JAKMIP3: variants seen among roughly 807,000 people sequenced by gnomAD.
The protein encoded by JAKMIP3 is Janus kinase and microtubule interacting protein 3.
JAKMIP3 carries 58 observed loss-of-function variants against 118.5 expected under a neutral mutation model. The ratio of observed to expected loss-of-function variants is 0.49; its 90% CI spans 0.40 to 0.61. JAKMIP3 has a LOEUF of 0.61. JAKMIP3 is among the 20% of genes least tolerant of loss of function. The probability of loss-of-function intolerance (pLI) is 0.00; values close to 1 mark genes in which losing one functional copy is unlikely to be tolerated. For missense variants in JAKMIP3, 950 were observed against 1,109.0 expected, an observed-to-expected ratio of 0.86 and a Z score of 2.04; for synonymous variants, 486 against 451.2, an observed-to-expected ratio of 1.08 and a Z score of -0.98.
At chr10:132,082,372 TCACCCTCTTCC>T in intron 1 of JAKMIP3, among the ~76,000 whole-genome samples, 1 of 152,236 alleles carries the variant, frequency 6.6e-6, no homozygotes, top group Middle Eastern at 3.4e-3. Context: ...CTTTTATCCC[TCACCCTCTTCC>T]CACCCTTTCC....
intron 1 of JAKMIP3, among the ~76,000 whole-genome samples, chr10:132,051,703 C>T (rs1262885937): frequency 1.3e-5 from 2 of 152,136 alleles, no homozygotes; most frequent in East Asian, 1.9e-4. Context: ...TGGGCTCAAG[C>T]CATCCATCCT....
At chr10:132,086,655 T>G (rs2042433228) in intron 1 of JAKMIP3, among the ~76,000 whole-genome samples, 1 of 152,222 alleles carries the variant, frequency 6.6e-6, no homozygotes, top group South Asian at 2.1e-4. Flanking sequence ...AAAGTTTGTT[T>G]TGTCTGATAT....
At chr10:132,076,799 G>A (rs920708756) in intron 1 of JAKMIP3, among the ~76,000 whole-genome samples, 8 of 151,014 alleles carry the variant, frequency 5.3e-5, no homozygotes, top group African/African-American at 1.5e-4. Flanking sequence ...GCTGGCCTGC[G>A]GTGGCCCCAG....
chr10:132,064,711 G>C (rs953848701), upstream of JAKMIP3, among the ~76,000 whole-genome samples: 2 of 152,216 alleles, frequency 1.3e-5, no homozygotes, highest in African/African-American at 4.8e-5. The surrounding 1 kb of genome is among the most constrained non-coding windows in gnomAD (Gnocchi z 4.4). Context: ...TTGGCCAGAC[G>C]TGTGGCCATG....
Position 132,184,251 on chromosome 10 carries a change from A to AGTC in JAKMIP3, c.*2999_*3001dup, listed in dbSNP as rs2061684842. ...GAGAAGGACTATGGCTGTTCCTTAA[A>AGTC]GTCTCTGCCCTTGCAGAATCTGTAG... On this transcript the variant is annotated 3_prime_UTR_variant, in exon 24 of 24. Transcript: ENST00000684848. The AGTC allele has an allele frequency of 6.6e-6, 1 of 152,214 alleles. No individual in the cohort carries two copies. Among genetic ancestry groups the AGTC allele is most frequent in the Non-Finnish European group, 1.5e-5 (1 of 68,048 alleles). 9.4% of individuals were successfully genotyped at this position (152,214 alleles called of 1,614,324 possible).
upstream of JAKMIP3, among the ~76,000 whole-genome samples, chr10:132,065,367 T>G (rs1327280268): frequency 6.6e-6 from 1 of 152,116 alleles, no homozygotes; most frequent in East Asian, 1.9e-4. This position sits in a 1 kb window ranked among gnomAD's most constrained non-coding sequence, Gnocchi z 5.6. Context: ...TTTTCAGTCC[T>G]CAGTGTTGAG....
In JAKMIP3 at chr10:132,112,295, C is replaced by T. The variant is rs567302989; in HGVS notation, c.136-4782C>T. On this transcript the variant is annotated intron_variant, in intron 2 of 23. Transcript: ENST00000684848. This position sits in a 1 kb window ranked among gnomAD's most constrained non-coding sequence, Gnocchi z 4.3. ...GCCTCAGGTGTGGGAGCGGGGTCTCCGGGTGGTGGGAGATGCTGCCCAGAG... is the reference window on the plus strand; with the variant it reads ...GCCTCAGGTGTGGGAGCGGGGTCTCTGGGTGGTGGGAGATGCTGCCCAGAG... 6.6e-6 allele frequency among the ~76,000 whole-genome samples: 1 copy of T among 151,960 alleles called. No homozygotes were observed. The highest frequency in any genetic ancestry group is 1.9e-4 in the East Asian group (1 of 5,168).
At chr10:132,140,302 A>C (rs1042695010) in intron 9 of JAKMIP3, 149 bp from the exon 10 acceptor site, 10 of 946,466 alleles carry the variant, frequency 1.1e-5, no homozygotes, top group East Asian at 9.0e-5. Flanking sequence ...CACCCAGGCC[A>C]CCTCCTCGGC....
intron 1 of JAKMIP3, among the ~76,000 whole-genome samples, chr10:132,104,445 G>C (rs116509178): frequency 6.6e-6 from 1 of 152,240 alleles, no homozygotes; most frequent in South Asian, 2.1e-4. Flanking sequence ...CATGCTGGGC[G>C]TGGGGATGTC....
chr10:132,110,847 C>G lies in JAKMIP3; in HGVS notation c.135+5904C>G, dbSNP rs796202725. 2.9e-4 allele frequency among the ~76,000 whole-genome samples: 44 copies of G among 152,370 alleles called. 1 individual carries two copies. The highest frequency in any genetic ancestry group is 1.0e-3 in the African/African-American group (43 of 41,592). On this transcript the variant is annotated intron_variant, in intron 2 of 23. Coordinates refer to ENST00000684848, the MANE Select transcript of JAKMIP3 (RefSeq NM_001323087.2). The stretch of plus-strand genomic sequence containing the variant: ...GGAACCGCAGGGGCGTGAACTCGGC[C>G]TTGTCTTGAGGAAGGTGCAGCGTGG...
chr10:132,104,814 C>G lies in JAKMIP3; in HGVS notation c.6C>G (p.Ser2=). Residue 2 remains serine, a synonymous_variant, in exon 2 of 24, where the codon TCC becomes TCG. Coordinates refer to ENST00000684848, the MANE Select transcript of JAKMIP3 (RefSeq NM_001323087.2). The stretch of plus-strand genomic sequence containing the variant: ...CCTGGCCATCCAGCCTCACCATGTC[C>G]AAGAGGGGCATGAGCAGCCGGGCCA... The part of the protein sequence containing the change: M[S]KRGMSSRAKG... 1 of 1,551,604 alleles carries G rather than the reference C, an allele frequency of 6.4e-7. No individual in the cohort carries two copies. Among genetic ancestry groups the G allele is most frequent in the Non-Finnish European group, 8.7e-7 (1 of 1,147,398 alleles).
At chr10:132,080,064 C>A (rs572811976) in intron 1 of JAKMIP3, among the ~76,000 whole-genome samples, 2 of 152,324 alleles carry the variant, frequency 1.3e-5, no homozygotes, top group East Asian at 3.9e-4. Flanking sequence ...CCTGTAATCC[C>A]AGCTACTCAG....
At chr10:132,177,856 C>A (rs562661255) in intron 23 of JAKMIP3, among the ~76,000 whole-genome samples, 1 of 127,570 alleles carries the variant, frequency 7.8e-6, no homozygotes, top group Non-Finnish European at 1.6e-5. Context: ...GGGTAGTGTG[C>A]GTGTGTGTGC....
intron 19 of JAKMIP3, among the ~76,000 whole-genome samples, chr10:132,161,550 G>A (rs75845203): frequency 1.9e-4 from 6 of 31,756 alleles, no homozygotes; most frequent in East Asian, 2.3e-3. Context: ...GCTGGGGGGG[G>A]TCTCTCCCTG....
At chr10:132,105,931 G>T (rs10160065) in intron 2 of JAKMIP3, among the ~76,000 whole-genome samples, 14,651 of 152,184 alleles carry the variant, frequency 0.096, 818 homozygotes, top group East Asian at 0.27. Context: ...TTTGGGGGTG[G>T]TTGCTTAACC....
intron 3 of JAKMIP3, among the ~76,000 whole-genome samples, chr10:132,130,017 C>T (rs2050273857): frequency 6.6e-6 from 1 of 151,902 alleles, no homozygotes; most frequent in Non-Finnish European, 1.5e-5. Context: ...GAGAAAAATT[C>T]CCAAGGGTTA....
upstream of JAKMIP3, among the ~76,000 whole-genome samples, chr10:132,060,412 C>T (rs182506216): frequency 1.1e-3 from 163 of 152,246 alleles, no homozygotes; most frequent in Non-Finnish European, 1.2e-3. Context: ...GCAGAGAAAG[C>T]GCTTGATGAC....
Position 132,149,996 on chromosome 10 carries a change from G to A in JAKMIP3, c.1962G>A (p.Ala654=), listed in dbSNP as rs144158110. 1.6e-4 allele frequency: 247 copies of A among 1,579,974 alleles called. 1 individual carries two copies. Among genetic ancestry groups the A allele is most frequent in the East Asian group, 1.4e-3 (62 of 42,946 alleles). Residue 654 remains alanine (A), a synonymous_variant, in exon 16 of 24, where the codon GCG becomes GCA. Coordinates refer to ENST00000684848, the MANE Select transcript of JAKMIP3 (RefSeq NM_001323087.2). ...EAEGVTDIVV[A]ELMKKLDILG... ...CTGTGCCTTAGGACATTGTGGTTGCGGAGCTGATGAAGAAGCTGGACATCC... is the reference window on the plus strand; with the variant it reads ...CTGTGCCTTAGGACATTGTGGTTGCAGAGCTGATGAAGAAGCTGGACATCC...
At chr10:132,064,235 A>G (rs2038525854), upstream of JAKMIP3, among the ~76,000 whole-genome samples, 1 of 152,210 alleles carries the variant, frequency 6.6e-6, no homozygotes, top group South Asian at 2.1e-4. This position sits in a 1 kb window ranked among gnomAD's most constrained non-coding sequence, Gnocchi z 4.4. Flanking sequence ...AAAGGCTTAC[A>G]ACAGCGCCTG....
Sources: allele counts gnomAD v4.1 joint callset (sites outside exome capture counted in the v4.1 genomes callset), GRCh38; gene constraint gnomAD v4.1.1; non-coding constraint Gnocchi (gnomAD v3.1); transcripts MANE v1.5; gene names NCBI Gene and HGNC (gene_info 2026-07-23, HGNC 2026-07-21).